The following CD1B variants were observed in gnomAD, a reference collection of about 807,000 sequenced individuals.
CD1B encodes the protein CD1b molecule, also known as T-cell surface glycoprotein CD1b.
CD1B carries 43 observed loss-of-function variants against 39.8 expected under a neutral mutation model. That is an observed-to-expected ratio of 1.08 (90% CI 0.85 to 1.39). The LOEUF (loss-of-function observed/expected upper bound fraction) is 1.39, where lower values mean the gene tolerates loss of function less well. Among genes scored for constraint, CD1B ranks in the 40% most tolerant of loss-of-function variants. The pLI is 0.00. For missense variants in CD1B, 495 were observed against 403.8 expected, an observed-to-expected ratio of 1.23 and a Z score of -1.94; for synonymous variants, 192 against 152.5, an observed-to-expected ratio of 1.26 and a Z score of -1.91.
In CD1B at chr1:158,330,945, C is replaced by T; in HGVS notation, c.179G>A (p.Ser60Asn). The change falls in exon 2 of 6, where the codon AGC (serine) becomes AAC (asparagine). Residue 60 changes from serine to asparagine, a missense_variant. Transcript: ENST00000368168. ...LDDLQIHGWD[S>N]DSGTAIFLKP... ...CAGGAATATGGCAGTGCCTGAGTCGCTATCCCAGCCATGAATCTGCAAATC... is the reference window on the plus strand; with the variant it reads ...CAGGAATATGGCAGTGCCTGAGTCGTTATCCCAGCCATGAATCTGCAAATC... 6.2e-7 allele frequency: 1 copy of T among 1,614,178 alleles called. No individual in the cohort carries two copies. Among genetic ancestry groups the T allele is most frequent in the South Asian group, 1.1e-5 (1 of 91,086 alleles).
At position 158,330,868 on chromosome 1, in the gene CD1B, C is replaced by T; in HGVS notation, c.256G>A (p.Glu86Lys). 1.2e-6 allele frequency: 2 copies of T among 1,614,072 alleles called. No individual in the cohort carries two copies. The highest frequency in any genetic ancestry group is 1.7e-6 in the Non-Finnish European group (2 of 1,179,908). ...FSDKEVAELE[E>K]IFRVYIFGFA... is the part of the protein sequence containing the mutation. ...CCAAAGATGTAGACTCGGAATATCTCCTCTAACTCAGCAACCTCCTTATCA... is the reference window on the plus strand; with the variant it reads ...CCAAAGATGTAGACTCGGAATATCTTCTCTAACTCAGCAACCTCCTTATCA... Residue 86 changes from glutamate to lysine, a missense_variant, in exon 2 of 6, where the codon GAG becomes AAG. Glu to Lys is a moderately conservative substitution (Grantham distance 56, BLOSUM62 1). Coordinates refer to ENST00000368168, the MANE Select transcript of CD1B (RefSeq NM_001764.3).
chr1:158,326,533 C>T (rs1206295227), downstream of CD1B, among the ~76,000 whole-genome samples: 1 of 151,868 alleles, frequency 6.6e-6, no homozygotes, highest in Non-Finnish European at 1.5e-5. Context: ...ATTCATGAGA[C>T]AATTGGAAAA....
At position 158,329,537 on chromosome 1, in the gene CD1B, C is replaced by T. The variant is rs763828715; in HGVS notation, c.719G>A (p.Arg240Gln). ...YPKPVWVMWM[R>Q]GEQEQQGTQL... Reference sequence around the variant, plus strand: ...AGTGCCCTGCTGCTCCTGCTCACCCCGCATCCACATCACCCACACGGGCTT... The same window carrying T: ...AGTGCCCTGCTGCTCCTGCTCACCCTGCATCCACATCACCCACACGGGCTT... The change falls in exon 4 of 6, where the codon CGG (arginine) becomes CAG (glutamine). Residue 240 changes from arginine to glutamine, a missense_variant. Physicochemically the swap from Arg to Gln is conservative, Grantham distance 43. Transcript: ENST00000368168. The T allele has an allele frequency of 1.2e-5, 20 of 1,613,910 alleles. No individual in the cohort carries two copies. Among genetic ancestry groups the T allele is most frequent in the South Asian group, 3.3e-5 (3 of 91,082 alleles).
chr1:158,330,170 T>G, intron 2 of CD1B, 40 bp from the exon 3 acceptor site: 1 of 1,539,442 alleles, frequency 6.5e-7, no homozygotes, highest in Non-Finnish European at 8.7e-7. Flanking sequence ...TAAACACAAA[T>G]AAGAAAAAAA....
chr1:158,291,401 G>A, the CD1B span: 1 of 1,613,060 alleles, frequency 6.2e-7, no homozygotes, highest in Non-Finnish European at 8.5e-7. Context: ...TACTCGAAAT[G>A]TAAGTTCAAT....
At chr1:158,309,262 C>G in the CD1B span, among the ~76,000 whole-genome samples, 2,788 of 152,268 alleles carry the variant, frequency 0.018, 87 homozygotes, top group African/African-American at 0.064. Flanking sequence ...CAGAGAAATG[C>G]AAATCAAAAC....
At position 158,330,892 on chromosome 1, in the gene CD1B, C is replaced by T. The variant is rs774938865; in HGVS notation, c.232G>A (p.Asp78Asn). The T allele has an allele frequency of 9.9e-6, 16 of 1,613,796 alleles. 1 individual carries two copies. Among genetic ancestry groups the T allele is most frequent in the Middle Eastern group, 1.6e-4 (1 of 6,084 alleles). The change falls in exon 2 of 6, where the codon GAT (aspartate) becomes AAT (asparagine). Residue 78 changes from aspartate to asparagine, a missense_variant. Physicochemically the swap from Asp to Asn is conservative, Grantham distance 23. Transcript: ENST00000368168. ...TCCTCTAACTCAGCAACCTCCTTAT[C>T]ACTAAAGTTACCTTTAGACCAAGGC... ...LKPWSKGNFS[D>N]KEVAELEEIF...
the CD1B span, among the ~76,000 whole-genome samples, chr1:158,289,279 G>A: frequency 1.3e-5 from 2 of 152,196 alleles, no homozygotes; most frequent in East Asian, 1.9e-4. Flanking sequence ...TATATGCCTA[G>A]TAAGACACTG....
chr1:158,330,495 C>T (rs2101716538), intron 2 of CD1B: 1 of 585,702 alleles, frequency 1.7e-6, no homozygotes. Flanking sequence ...CGTTAGATCA[C>T]TCAGGCACAG....
downstream of CD1B, among the ~76,000 whole-genome samples, chr1:158,323,261 G>T (rs1001862509): frequency 1.3e-5 from 2 of 150,668 alleles, no homozygotes; most frequent in African/African-American, 2.4e-5. Context: ...TCTTCTGCTT[G>T]ATTAATTCTG....
the CD1B span, chr1:158,291,116 C>T: frequency 2.5e-6 from 4 of 1,606,990 alleles, no homozygotes; most frequent in East Asian, 2.2e-5. Context: ...ACACTACTTG[C>T]CCTTCTTCCA....
At chr1:158,302,504 T>C in the CD1B span, among the ~76,000 whole-genome samples, 11 of 151,628 alleles carry the variant, frequency 7.3e-5, no homozygotes, top group Non-Finnish European at 1.2e-4. Flanking sequence ...AATTGGTAAT[T>C]TGAAGGAATA....
At chr1:158,309,983 A>AT in the CD1B span, among the ~76,000 whole-genome samples, 17,705 of 127,528 alleles carry the variant, frequency 0.14, 1,326 homozygotes, top group East Asian at 0.44. Context: ...ACGTATAATA[A>AT]TAAAAAAAAA....
chr1:158,317,368 A>T, the CD1B span, among the ~76,000 whole-genome samples: 1,748 of 152,224 alleles, frequency 0.011, 34 homozygotes, highest in African/African-American at 0.04. Context: ...CAGAGATTCA[A>T]CTTCTTCCTG....
chr1:158,328,418 T>A (rs972538210), intron 5 of CD1B, among the ~76,000 whole-genome samples, 161 bp from the exon 6 acceptor site: 1 of 152,214 alleles, frequency 6.6e-6, no homozygotes, highest in Non-Finnish European at 1.5e-5. Context: ...GGTGGAATAT[T>A]GTTCAGTTTC....
the CD1B span, among the ~76,000 whole-genome samples, chr1:158,308,823 A>T: frequency 6.6e-6 from 1 of 152,234 alleles, no homozygotes; most frequent in Non-Finnish European, 1.5e-5. Flanking sequence ...CTTATACAAA[A>T]ATCAATTCAA....
chr1:158,317,237 G>A, the CD1B span, among the ~76,000 whole-genome samples: 1 of 151,940 alleles, frequency 6.6e-6, no homozygotes, highest in Non-Finnish European at 1.5e-5. Flanking sequence ...AGAAGGAATG[G>A]TACCAGTTCC....
chr1:158,321,207 T>C, the CD1B span, among the ~76,000 whole-genome samples: 3 of 152,362 alleles, frequency 2.0e-5, no homozygotes, highest in South Asian at 4.1e-4. Context: ...CATGCATATT[T>C]ATAATTGTTA....
At chr1:158,289,940 G>C in the CD1B span, 2 of 794,746 alleles carry the variant, frequency 2.5e-6, no homozygotes, top group African/African-American at 3.4e-5. Flanking sequence ...CTTAGTTGCT[G>C]TCAGCGGCTG....
Sources: gnomAD v4.1 joint callset for allele counts (sites outside exome capture counted in the v4.1 genomes callset) on GRCh38, gnomAD v4.1.1 for gene constraint, MANE v1.5 for transcripts, NCBI Gene and HGNC (gene_info 2026-07-23, HGNC 2026-07-21) for gene names.